Variants in PTPRN2 observed in about 807,000 individuals in gnomAD.
PTPRN2 encodes the protein protein tyrosine phosphatase receptor type N2.
In PTPRN2, 74 loss-of-function variants were observed where a neutral mutation model predicts 118.8. That is an observed-to-expected ratio of 0.62 (90% CI 0.52 to 0.76). The LOEUF (loss-of-function observed/expected upper bound fraction) is 0.76. Among genes scored for constraint, PTPRN2 ranks in the 30% least tolerant of loss-of-function variants. The pLI is 0.00. For missense variants in PTPRN2, 1,481 were observed against 1,394.4 expected, an observed-to-expected ratio of 1.06 and a Z score of -0.99; for synonymous variants, 641 against 608.0, an observed-to-expected ratio of 1.05 and a Z score of -0.80.
chr7:157,950,756 T>A (rs1251930665), intron 11 of PTPRN2, among the ~76,000 whole-genome samples: 1 of 152,284 alleles, frequency 6.6e-6, no homozygotes, highest in East Asian at 1.9e-4. Flanking sequence ...AAGCGCCTTC[T>A]TTCCATATCG....
chr7:157,685,234 C>T (rs1797123151), intron 12 of PTPRN2, among the ~76,000 whole-genome samples: 1 of 151,938 alleles, frequency 6.6e-6, no homozygotes, highest in Non-Finnish European at 1.5e-5. Flanking sequence ...CCTCCATCCG[C>T]CCCAGCGCGG....
intron 2 of PTPRN2, among the ~76,000 whole-genome samples, chr7:158,478,312 G>A (rs2129444738): frequency 6.6e-6 from 1 of 152,344 alleles, no homozygotes; most frequent in African/African-American, 2.4e-5. Context: ...GCGCCGTACA[G>A]ACACTCGGAA....
At chr7:157,735,753 G>A (rs1311535488) in intron 12 of PTPRN2, among the ~76,000 whole-genome samples, 1 of 152,154 alleles carries the variant, frequency 6.6e-6, no homozygotes, top group Non-Finnish European at 1.5e-5. Context: ...TGTGGGAGAC[G>A]CTCCGCAAAT....
intron 4 of PTPRN2, among the ~76,000 whole-genome samples, chr7:158,199,436 A>C (rs1419599393): frequency 6.6e-6 from 1 of 152,262 alleles, no homozygotes; most frequent in African/African-American, 2.4e-5. Flanking sequence ...AACCAGCAGG[A>C]GAAATGAGCT....
chr7:157,888,368 G>C (rs1240373092), intron 12 of PTPRN2, among the ~76,000 whole-genome samples: 1 of 152,114 alleles, frequency 6.6e-6, no homozygotes, highest in Non-Finnish European at 1.5e-5. Flanking sequence ...AGAGCCTCAG[G>C]AGCTGTGATC....
At chr7:158,454,979 G>C (rs956908930) in intron 2 of PTPRN2, among the ~76,000 whole-genome samples, 3 of 152,122 alleles carry the variant, frequency 2.0e-5, no homozygotes, top group Non-Finnish European at 2.9e-5. Flanking sequence ...CACAGGCATG[G>C]AGCAAACACA....
chr7:158,183,116 CTT>C (rs933880609), intron 5 of PTPRN2, among the ~76,000 whole-genome samples: 10 of 152,172 alleles, frequency 6.6e-5, no homozygotes, highest in African/African-American at 2.4e-4. Flanking sequence ...CTCCTGCTCA[CTT>C]TTGGTTTCCA....
At chr7:158,234,623 G>T (rs1402534596) in intron 3 of PTPRN2, among the ~76,000 whole-genome samples, 1 of 151,740 alleles carries the variant, frequency 6.6e-6, no homozygotes. Context: ...ATGGCCAACA[G>T]GTATAGTCAT....
At chr7:157,715,852 C>G (rs961149674) in intron 12 of PTPRN2, among the ~76,000 whole-genome samples, 2 of 152,210 alleles carry the variant, frequency 1.3e-5, no homozygotes, top group Non-Finnish European at 2.9e-5. Flanking sequence ...TGAAAAGACA[C>G]CCAGGGCAGC....
At chr7:158,145,888 G>A (rs1043775386) in intron 6 of PTPRN2, among the ~76,000 whole-genome samples, 20 of 152,170 alleles carry the variant, frequency 1.3e-4, no homozygotes, top group Non-Finnish European at 2.4e-4. Context: ...TGGCCCCAGC[G>A]CTCATGGTCT....
intron 10 of PTPRN2, among the ~76,000 whole-genome samples, chr7:158,083,869 C>G (rs529114808): frequency 6.6e-6 from 1 of 151,048 alleles, no homozygotes; most frequent in Non-Finnish European, 1.5e-5. Context: ...GAGGAGCTGT[C>G]TCCGGAGGAG....
intron 4 of PTPRN2, among the ~76,000 whole-genome samples, chr7:158,193,942 C>T (rs75801517): frequency 0.043 from 6,367 of 149,526 alleles, 451 homozygotes; most frequent in African/African-American, 0.15. Flanking sequence ...TAATGTGAGG[C>T]CGGCATGGGG....
chr7:158,025,734 A>C (rs1016872037), intron 11 of PTPRN2, among the ~76,000 whole-genome samples: 1 of 152,204 alleles, frequency 6.6e-6, no homozygotes, highest in Admixed American at 6.5e-5. Flanking sequence ...CACTTATAAA[A>C]AGGATTCGCT....
chr7:157,970,189 T>G (rs1802222491), intron 11 of PTPRN2, among the ~76,000 whole-genome samples: 1 of 152,144 alleles, frequency 6.6e-6, no homozygotes, highest in Admixed American at 6.5e-5. Flanking sequence ...AAATAATAAT[T>G]TAGGGATAAC....
At chr7:157,706,547 G>A (rs1183803109) in intron 12 of PTPRN2, among the ~76,000 whole-genome samples, 1 of 151,850 alleles carries the variant, frequency 6.6e-6, no homozygotes, top group Non-Finnish European at 1.5e-5. Flanking sequence ...TCTGACCCAG[G>A]TGCCTTCTGG....
intron 9 of PTPRN2, among the ~76,000 whole-genome samples, chr7:158,128,654 C>T (rs1217084387): frequency 6.6e-6 from 1 of 152,190 alleles, no homozygotes; most frequent in African/African-American, 2.4e-5. Context: ...AGCCCATTAG[C>T]AGCAATGGCA....
chr7:158,417,688 A>C (rs62478436), intron 2 of PTPRN2, among the ~76,000 whole-genome samples: 2 of 134,880 alleles, frequency 1.5e-5, no homozygotes, highest in South Asian at 2.6e-4. Flanking sequence ...GTCACGGTGT[A>C]CTACATCGAG....
intron 1 of PTPRN2, among the ~76,000 whole-genome samples, chr7:158,585,107 T>C (rs2129452946): frequency 6.6e-6 from 1 of 152,344 alleles, no homozygotes. Flanking sequence ...AACAATGTAG[T>C]TGGCGTGACC....
chr7:157,688,837 T>A (rs989845227), intron 12 of PTPRN2, among the ~76,000 whole-genome samples: 1 of 151,868 alleles, frequency 6.6e-6, no homozygotes, highest in African/African-American at 2.4e-5. Flanking sequence ...TCTCCCCCGC[T>A]TCCCCGTCCC....
Sources: allele counts gnomAD v4.1 joint callset (sites outside exome capture counted in the v4.1 genomes callset), GRCh38; gene constraint gnomAD v4.1.1; transcripts MANE v1.5; gene names NCBI Gene and HGNC (gene_info 2026-07-23, HGNC 2026-07-21).